The following PTPRD variants were observed in gnomAD, a reference collection of about 807,000 sequenced individuals.
PTPRD encodes the protein receptor-type tyrosine-protein phosphatase delta.
A neutral mutation model predicts 214.5 loss-of-function variants in PTPRD; 34 were observed. The observed-to-expected ratio is 0.16, with a 90% CI of 0.12 to 0.21. The LOEUF (loss-of-function observed/expected upper bound fraction) is 0.21, where lower values mean the gene tolerates loss of function less well. PTPRD is among the 10% of genes least tolerant of loss of function. PTPRD has a pLI of 1.00. For missense variants in PTPRD, 2,545 were observed against 2,398.7 expected (o/e 1.06, Z -1.27); for synonymous variants, 1,128 against 845.7 (o/e 1.33, Z -5.79).
At chr9:10,290,936 G>C (rs1296819252) in intron 3 of PTPRD, among the ~76,000 whole-genome samples, 2 of 151,830 alleles carry the variant, frequency 1.3e-5, no homozygotes, top group Non-Finnish European at 1.5e-5. Flanking sequence ...GCTAAAGCTA[G>C]AGAACTGTTT....
At chr9:8,757,050 G>A (rs950206857) in intron 11 of PTPRD, among the ~76,000 whole-genome samples, 12 of 152,296 alleles carry the variant, frequency 7.9e-5, no homozygotes, top group African/African-American at 2.6e-4. Flanking sequence ...GCTGAGGCAG[G>A]AGACTCACTT....
intron 9 of PTPRD, among the ~76,000 whole-genome samples, chr9:9,204,528 T>C (rs2099943683): frequency 6.6e-6 from 1 of 152,160 alleles, no homozygotes; most frequent in Non-Finnish European, 1.5e-5. Context: ...AAAGGAACAC[T>C]CACGAGTCCT....
chr9:8,360,803 G>A (rs1234813177), intron 39 of PTPRD, among the ~76,000 whole-genome samples: 1 of 152,104 alleles, frequency 6.6e-6, no homozygotes, highest in East Asian at 1.9e-4. Context: ...GAAATTCCAA[G>A]GGGGGACAAA....
chr9:8,577,945 C>G (rs1191047387), intron 14 of PTPRD, among the ~76,000 whole-genome samples: 1 of 152,138 alleles, frequency 6.6e-6, no homozygotes, highest in African/African-American at 2.4e-5. Flanking sequence ...GTCCATCAGT[C>G]TCTACACATA....
chr9:10,232,276 T>C (rs1007227712), intron 3 of PTPRD, among the ~76,000 whole-genome samples: 1 of 151,930 alleles, frequency 6.6e-6, no homozygotes, highest in Non-Finnish European at 1.5e-5. Context: ...CAAAACAGAC[T>C]ATGACAGGTT....
At chr9:8,355,694 C>T (rs1564217774) in intron 39 of PTPRD, among the ~76,000 whole-genome samples, 1 of 152,032 alleles carries the variant, frequency 6.6e-6, no homozygotes, top group African/African-American at 2.4e-5. Flanking sequence ...TGCAGTGTAC[C>T]CCAGGCATAT....
intron 10 of PTPRD, among the ~76,000 whole-genome samples, chr9:9,115,338 C>G (rs1407686459): frequency 6.6e-6 from 1 of 151,970 alleles, no homozygotes; most frequent in African/African-American, 2.4e-5. Context: ...AGACATTTCT[C>G]AAAAGAAGAT....
intron 10 of PTPRD, among the ~76,000 whole-genome samples, chr9:9,148,466 G>C (rs1407164542): frequency 6.6e-6 from 1 of 152,084 alleles, no homozygotes; most frequent in Non-Finnish European, 1.5e-5. Context: ...TCTTTTTGTA[G>C]ATGAGTCTAA....
At chr9:10,249,051 G>A (rs1327077540) in intron 3 of PTPRD, among the ~76,000 whole-genome samples, 2 of 152,096 alleles carry the variant, frequency 1.3e-5, no homozygotes, top group Non-Finnish European at 2.9e-5. Flanking sequence ...TTCAAGCAAA[G>A]ATGTTTCTTC....
intron 8 of PTPRD, among the ~76,000 whole-genome samples, chr9:9,398,428 T>C (rs2141231989): frequency 6.6e-6 from 1 of 152,130 alleles, no homozygotes; most frequent in South Asian, 2.1e-4. Flanking sequence ...AAGATTCTAG[T>C]TGAGCTAAAG....
Position 10,562,599 on chromosome 9 carries a change from A to T in PTPRD, c.-600+49799T>A, listed in dbSNP as rs2064314926. 2.0e-5 allele frequency among the ~76,000 whole-genome samples: 3 copies of T among 151,964 alleles called. No individual in the cohort carries two copies. In the South Asian group the frequency reaches 6.2e-4, roughly 32 times the overall value. On this transcript the variant is annotated intron_variant, in intron 2 of 45. Transcript: ENST00000381196. ...GATATCACATAAATATGAGTACATG[A>T]ATGTACTTTCAGAAAGTTAATACGT...
chr9:9,413,609 A>G (rs995315483), intron 8 of PTPRD, among the ~76,000 whole-genome samples: 2 of 152,192 alleles, frequency 1.3e-5, no homozygotes, highest in African/African-American at 4.8e-5. Context: ...TCTGTTTTGA[A>G]AAAGTCTATG....
intron 3 of PTPRD, among the ~76,000 whole-genome samples, chr9:10,055,300 G>A (rs1042547693): frequency 6.6e-6 from 1 of 152,042 alleles, no homozygotes; most frequent in Non-Finnish European, 1.5e-5. Context: ...TTCTACTTGT[G>A]TATTTAAAGT....
intron 11 of PTPRD, among the ~76,000 whole-genome samples, chr9:8,849,138 T>A (rs1010766186): frequency 6.6e-6 from 1 of 151,980 alleles, no homozygotes; most frequent in Non-Finnish European, 1.5e-5. Flanking sequence ...TCTTCACATT[T>A]TATGGTTTCA....
intron 37 of PTPRD, among the ~76,000 whole-genome samples, chr9:8,384,805 C>T (rs919028361): frequency 2.0e-5 from 3 of 152,162 alleles, no homozygotes; most frequent in East Asian, 1.9e-4. Context: ...AGATTACAGG[C>T]GTGAGCCACC....
chr9:9,156,758 T>C (rs887429170), intron 10 of PTPRD, among the ~76,000 whole-genome samples: 5 of 152,124 alleles, frequency 3.3e-5, no homozygotes, highest in Admixed American at 2.6e-4. Context: ...TCTTAGAGTC[T>C]TCTCCATTTA....
intron 3 of PTPRD, among the ~76,000 whole-genome samples, chr9:10,061,685 G>C (rs1176235719): frequency 6.6e-6 from 1 of 152,006 alleles, no homozygotes; most frequent in Non-Finnish European, 1.5e-5. Context: ...CAGCCAGAAA[G>C]GGAAAAATGA....
At chr9:8,950,008 G>C (rs1280129802) in intron 11 of PTPRD, among the ~76,000 whole-genome samples, 1 of 152,140 alleles carries the variant, frequency 6.6e-6, no homozygotes, top group African/African-American at 2.4e-5. Flanking sequence ...GAAATATTGT[G>C]TTAGGTGCTT....
At chr9:10,163,368 A>C (rs895941142) in intron 3 of PTPRD, among the ~76,000 whole-genome samples, 1 of 151,400 alleles carries the variant, frequency 6.6e-6, no homozygotes, top group Admixed American at 6.6e-5. Flanking sequence ...AAATAAATGT[A>C]AACAAAAACC....
Sources: gnomAD v4.1 joint callset for allele counts (sites outside exome capture counted in the v4.1 genomes callset) on GRCh38, gnomAD v4.1.1 for gene constraint, MANE v1.5 for transcripts, NCBI Gene and HGNC (gene_info 2026-07-23, HGNC 2026-07-21) for gene names.